The following TSPEAR variants were observed in gnomAD, a reference collection of about 807,000 sequenced individuals.
TSPEAR encodes the protein thrombospondin-type laminin G domain and EAR repeat-containing protein.
In TSPEAR, 69 loss-of-function variants were observed where a neutral mutation model predicts 71.6. The ratio of observed to expected loss-of-function variants is 0.96; its 90% confidence interval spans 0.79 to 1.18. TSPEAR has a LOEUF of 1.18. Ranked by LOEUF, TSPEAR falls within the 50% of genes most tolerant of loss-of-function variation. The probability of loss-of-function intolerance (pLI) is 0.00; values close to 1 mark genes in which losing one functional copy is unlikely to be tolerated. For missense variants in TSPEAR, 971 were observed against 894.9 expected, an observed-to-expected ratio of 1.09 and a Z score of -1.09; for synonymous variants, 402 against 387.2, an observed-to-expected ratio of 1.04 and a Z score of -0.45.
At chr21:44,601,193 G>T (rs782042888) in intron 1 of TSPEAR, 1 of 1,601,164 alleles carries the variant, frequency 6.2e-7, no homozygotes, top group Admixed American at 1.7e-5. Flanking sequence ...CAGGCGGTCT[G>T]TGAGCCCAGC....
At chr21:44,643,069 C>T (rs149636815) in intron 1 of TSPEAR, among the ~76,000 whole-genome samples, 3 of 152,250 alleles carry the variant, frequency 2.0e-5, no homozygotes, top group East Asian at 3.9e-4. Flanking sequence ...TGATGGAATA[C>T]GATTCAGCCA....
chr21:44,644,493 C>T (rs1303389124), intron 1 of TSPEAR, among the ~76,000 whole-genome samples: 7 of 152,028 alleles, frequency 4.6e-5, no homozygotes, highest in Admixed American at 1.3e-4. Flanking sequence ...CTAACAAAAA[C>T]GGGAGGCTCA....
intron 1 of TSPEAR, among the ~76,000 whole-genome samples, chr21:44,592,906 A>G (rs1254934343): frequency 1.3e-5 from 2 of 151,948 alleles, no homozygotes; most frequent in Non-Finnish European, 2.9e-5. Context: ...CGGACACAGG[A>G]CTGTGGCCAT....
chr21:44,514,173 C>G (rs141272550), intron 9 of TSPEAR, among the ~76,000 whole-genome samples: 2 of 152,184 alleles, frequency 1.3e-5, no homozygotes, highest in African/African-American at 4.8e-5. Flanking sequence ...CAGTGCTGAC[C>G]CCTCATGCCA....
At chr21:44,602,121 C>T in intron 1 of TSPEAR, 1 of 345,162 alleles carries the variant, frequency 2.9e-6, no homozygotes, top group Non-Finnish European at 5.6e-6. Context: ...CTCTGTCTTC[C>T]CTGACCACGG....
At chr21:44,663,575 G>T (rs1256632046) in intron 1 of TSPEAR, among the ~76,000 whole-genome samples, 2 of 151,956 alleles carry the variant, frequency 1.3e-5, no homozygotes, top group Non-Finnish European at 2.9e-5. Context: ...AAAATAGAAG[G>T]AAAGGAATCA....
chr21:44,676,749 C>T, intron 1 of TSPEAR: 1 of 796,982 alleles, frequency 1.3e-6, no homozygotes, highest in Non-Finnish European at 2.3e-6. Flanking sequence ...CGTTTCTGTC[C>T]TATTCAGCCT....
intron 1 of TSPEAR, chr21:44,677,364 T>C (rs1986365591): frequency 2.1e-6 from 3 of 1,398,432 alleles, no homozygotes; most frequent in Admixed American, 3.5e-5. Flanking sequence ...TTTCAATATG[T>C]TGGAGTGTGC....
intron 1 of TSPEAR, among the ~76,000 whole-genome samples, chr21:44,641,855 C>T (rs587701309): frequency 1.3e-5 from 2 of 152,286 alleles, no homozygotes; most frequent in South Asian, 4.2e-4. Flanking sequence ...AGCGGGAAGG[C>T]TGTTCTTAAA....
chr21:44,630,928 T>C (rs1569229807), intron 1 of TSPEAR, among the ~76,000 whole-genome samples: 1 of 152,070 alleles, frequency 6.6e-6, no homozygotes, highest in Non-Finnish European at 1.5e-5. Flanking sequence ...ACAAAACTAC[T>C]AGCCACACAA....
chr21:44,602,666 A>C (rs1170818923), intron 1 of TSPEAR, among the ~76,000 whole-genome samples: 1 of 152,234 alleles, frequency 6.6e-6, no homozygotes, highest in African/African-American at 2.4e-5. Flanking sequence ...GGCGTAGCCC[A>C]GGCAGAAGCT....
At chr21:44,549,390 G>A (rs2053360450) in intron 2 of TSPEAR, among the ~76,000 whole-genome samples, 1 of 152,238 alleles carries the variant, frequency 6.6e-6, no homozygotes, top group Admixed American at 6.5e-5. Flanking sequence ...ATGAACAACT[G>A]GAGAGACAGT....
At position 44,506,336 on chromosome 21, in the gene TSPEAR, CCATG is replaced by C. The variant is rs1456433521; in HGVS notation, c.1755-1459_1755-1456del. On this transcript the variant is annotated intron_variant, in intron 10 of 11. Coordinates refer to ENST00000323084, the MANE Select transcript of TSPEAR (RefSeq NM_144991.3). The surrounding 1 kb of genome is among the most constrained non-coding windows in gnomAD (Gnocchi z 4.2). ...CAAGATGAGGAAATGGAGGTCGAAG[CCATG>C]CACACGCAGGCGTCCTGCTGACATG... Among the ~76,000 whole-genome samples the C allele has an allele frequency of 3.9e-5, 6 of 152,258 alleles. No homozygotes were observed. The highest frequency in any genetic ancestry group is 3.9e-4 in the Admixed American group (6 of 15,286).
intron 1 of TSPEAR, chr21:44,628,296 G>GTTGA: frequency 3.0e-6 from 1 of 337,158 alleles, no homozygotes; most frequent in Non-Finnish European, 5.6e-6. Flanking sequence ...TCGCTGGTTG[G>GTTGA]GGACGGGCCC....
chr21:44,680,434 C>T (rs1379697952), intron 1 of TSPEAR, among the ~76,000 whole-genome samples: 4 of 152,140 alleles, frequency 2.6e-5, no homozygotes, highest in Non-Finnish European at 5.9e-5. Context: ...AACTCTTATA[C>T]ATCATTTGTG....
At chr21:44,682,171 G>A (rs367887851) in intron 1 of TSPEAR, 1 of 1,594,052 alleles carries the variant, frequency 6.3e-7, no homozygotes, top group Admixed American at 1.7e-5. Context: ...GTGATGTCTG[G>A]GGATGGCCTC....
chr21:44,528,693 G>GCCTC, intron 5 of TSPEAR, 110 bp from the exon 6 acceptor site: 1 of 1,370,616 alleles, frequency 7.3e-7, no homozygotes, highest in Non-Finnish European at 9.8e-7. Context: ...CTCTGCATGC[G>GCCTC]GGCCTGGAAG....
chr21:44,549,733 C>G (rs1180968282), intron 2 of TSPEAR, among the ~76,000 whole-genome samples: 1 of 152,236 alleles, frequency 6.6e-6, no homozygotes, highest in Non-Finnish European at 1.5e-5. Context: ...TTCTCTCGCC[C>G]TCTGGTCTGC....
At chr21:44,595,156 C>T (rs941175401) in intron 1 of TSPEAR, among the ~76,000 whole-genome samples, 22 of 152,208 alleles carry the variant, frequency 1.4e-4, no homozygotes, top group Middle Eastern at 3.4e-3. Context: ...CACAAGCAGT[C>T]ACCCAATTCT....
Sources: gnomAD v4.1 joint callset for allele counts (sites outside exome capture counted in the v4.1 genomes callset) on GRCh38, gnomAD v4.1.1 for gene constraint, Gnocchi (gnomAD v3.1) non-coding constraint, MANE v1.5 for transcripts, NCBI Gene and HGNC (gene_info 2026-07-23, HGNC 2026-07-21) for gene names.